IGFBP7: variants seen among roughly 807,000 people sequenced by gnomAD.
The protein encoded by IGFBP7 is insulin-like growth factor-binding protein 7.
A neutral mutation model predicts 29.4 loss-of-function variants in IGFBP7; 31 were observed. The observed-to-expected ratio is 1.05, with a 90% CI of 0.79 to 1.42. The LOEUF is 1.42. Ranked by LOEUF, IGFBP7 falls within the 40% of genes most tolerant of loss-of-function variation. IGFBP7 has a pLI of 0.00. For synonymous variants in IGFBP7, 172 were observed against 174.9 expected (o/e 0.98, Z 0.13); for missense variants, 393 against 395.5 (o/e 0.99, Z 0.05).
intron 1 of IGFBP7, among the ~76,000 whole-genome samples, chr4:57,068,082 T>C (rs956905040): frequency 3.9e-5 from 6 of 151,988 alleles, no homozygotes; most frequent in South Asian, 2.1e-4. Flanking sequence ...GTCACAGCAC[T>C]TTGGGAGGCT....
intron 1 of IGFBP7, among the ~76,000 whole-genome samples, chr4:57,062,562 C>T (rs145004951): frequency 9.0e-4 from 137 of 152,238 alleles, no homozygotes; most frequent in African/African-American, 2.9e-3. Flanking sequence ...ATAACCCCAT[C>T]GTGGCCAAAT....
intron 1 of IGFBP7, among the ~76,000 whole-genome samples, chr4:57,065,792 T>C (rs1345544315): frequency 6.6e-6 from 1 of 152,184 alleles, no homozygotes. Flanking sequence ...ACCACTGTCT[T>C]TACCTGCATT....
intron 1 of IGFBP7, among the ~76,000 whole-genome samples, chr4:57,074,127 C>G (rs938090062): frequency 5.3e-5 from 8 of 152,130 alleles, no homozygotes; most frequent in South Asian, 2.1e-4. Context: ...GTGGAGCAAT[C>G]CCAGCTCACT....
intron 1 of IGFBP7, among the ~76,000 whole-genome samples, chr4:57,106,220 T>A (rs1033215075): frequency 3.3e-5 from 5 of 152,164 alleles, no homozygotes; most frequent in African/African-American, 1.2e-4. Flanking sequence ...ATTTTTAAAA[T>A]TTTTATTATT....
chr4:57,107,113 G>A (rs1726053623), intron 1 of IGFBP7, among the ~76,000 whole-genome samples: 2 of 152,210 alleles, frequency 1.3e-5, no homozygotes, highest in South Asian at 4.1e-4. Flanking sequence ...GGGCTCCAGG[G>A]CAAGTGCTCT....
intron 1 of IGFBP7, among the ~76,000 whole-genome samples, chr4:57,058,332 C>T (rs772412710): frequency 4.6e-5 from 7 of 152,018 alleles, no homozygotes; most frequent in African/African-American, 9.7e-5. Flanking sequence ...AGAGGCATCA[C>T]GTTACTTGAC....
At chr4:57,098,106 A>G (rs11573039) in intron 1 of IGFBP7, among the ~76,000 whole-genome samples, 1,691 of 152,308 alleles carry the variant, frequency 0.011, 22 homozygotes, top group South Asian at 0.014. Context: ...CCTGGATGAC[A>G]TGGACTGAGC....
At chr4:57,034,549 C>G (rs918244388) in intron 2 of IGFBP7, among the ~76,000 whole-genome samples, 1 of 151,286 alleles carries the variant, frequency 6.6e-6, no homozygotes, top group Non-Finnish European at 1.5e-5. Context: ...ATATAGACAC[C>G]GTATGTATAA....
intron 1 of IGFBP7, among the ~76,000 whole-genome samples, chr4:57,075,484 A>G (rs1481833350): frequency 6.6e-6 from 1 of 152,190 alleles, no homozygotes; most frequent in African/African-American, 2.4e-5. Context: ...TTCACAGAGG[A>G]ATGTCTATTC....
chr4:57,090,208 A>G (rs1234128709), intron 1 of IGFBP7, among the ~76,000 whole-genome samples: 1 of 152,108 alleles, frequency 6.6e-6, no homozygotes, highest in Non-Finnish European at 1.5e-5. Context: ...ATCTCCTTAT[A>G]TGTTGAGGGA....
chr4:57,064,794 A>G (rs1724879911), intron 1 of IGFBP7, among the ~76,000 whole-genome samples: 1 of 152,242 alleles, frequency 6.6e-6, no homozygotes, highest in Non-Finnish European at 1.5e-5. Flanking sequence ...ATTCCTAGAT[A>G]ACGGCAGAAA....
chr4:57,074,617 G>A (rs1330865941), intron 1 of IGFBP7, among the ~76,000 whole-genome samples: 1 of 152,154 alleles, frequency 6.6e-6, no homozygotes, highest in African/African-American at 2.4e-5. Flanking sequence ...ACCTCTTAAA[G>A]TTGGAGGAAG....
intron 1 of IGFBP7, among the ~76,000 whole-genome samples, chr4:57,095,399 T>G (rs570823772): frequency 6.6e-6 from 1 of 152,172 alleles, no homozygotes; most frequent in Non-Finnish European, 1.5e-5. Context: ...CAGTGAATAA[T>G]GAGAATGTAT....
At chr4:57,099,145 T>C (rs1725833173) in intron 1 of IGFBP7, among the ~76,000 whole-genome samples, 1 of 152,202 alleles carries the variant, frequency 6.6e-6, no homozygotes, top group Non-Finnish European at 1.5e-5. Flanking sequence ...CCTTTGAGCA[T>C]TTCTCACTCA....
chr4:57,039,045 A>G (rs1164912974), intron 2 of IGFBP7, among the ~76,000 whole-genome samples: 2 of 147,520 alleles, frequency 1.4e-5, no homozygotes, highest in Non-Finnish European at 3.0e-5. Context: ...AGCCTGGGCA[A>G]TAAGAGTGAA....
chr4:57,073,626 A>G (rs1259085057), intron 1 of IGFBP7, among the ~76,000 whole-genome samples: 1 of 151,986 alleles, frequency 6.6e-6, no homozygotes, highest in African/African-American at 2.4e-5. Flanking sequence ...TAAATAAATA[A>G]CAACAAAATG....
intron 1 of IGFBP7, among the ~76,000 whole-genome samples, chr4:57,048,643 TG>T (rs1282777711): frequency 6.6e-6 from 1 of 152,202 alleles, no homozygotes; most frequent in Non-Finnish European, 1.5e-5. Flanking sequence ...TATAAAGTCT[TG>T]GTAGTGAGGA....
At chr4:57,049,513 C>T (rs754137668) in intron 1 of IGFBP7, among the ~76,000 whole-genome samples, 14 of 152,220 alleles carry the variant, frequency 9.2e-5, no homozygotes, top group Non-Finnish European at 1.6e-4. Flanking sequence ...CCCTTACCTA[C>T]TTGGAATATC....
chr4:57,109,810 C>T lies in IGFBP7; in HGVS notation c.475+67G>A, dbSNP rs960594832. 2.0e-6 allele frequency: 3 copies of T among 1,476,412 alleles called. No individual in the cohort carries two copies. In the African/African-American group the frequency reaches 4.3e-5, roughly 21 times the overall value. 91.5% of individuals were successfully genotyped at this position (1,476,412 alleles called of 1,614,324 possible). On this transcript the variant is annotated intron_variant, in intron 1 of 4. Coordinates refer to ENST00000295666, the MANE Select transcript of IGFBP7 (RefSeq NM_001553.3). ...GCGCGGGGCGAGGCCGCCGCGGACG[C>T]CCCGTCGGATGTGCCCTTCGCTGGG...
Sources: gnomAD v4.1 joint callset for allele counts (sites outside exome capture counted in the v4.1 genomes callset) on GRCh38, gnomAD v4.1.1 for gene constraint, MANE v1.5 for transcripts, NCBI Gene and HGNC (gene_info 2026-07-23, HGNC 2026-07-21) for gene names.